The following NR2C1 variants were observed in gnomAD, a reference collection of about 807,000 sequenced individuals.
NR2C1 encodes nuclear receptor subfamily 2 group C member 1, also known as TR2 nuclear hormone receptor.
NR2C1 carries 33 observed loss-of-function variants against 74.8 expected under a neutral mutation model. That is an observed-to-expected ratio of 0.44 (90% confidence interval 0.33 to 0.59). The LOEUF is 0.59. Among genes scored for constraint, NR2C1 ranks in the 20% least tolerant of loss-of-function variants. The probability of loss-of-function intolerance (pLI) is 0.02; values close to 1 mark genes in which losing one functional copy is unlikely to be tolerated. For synonymous variants in NR2C1, 225 were observed against 240.6 expected (o/e 0.94, Z 0.60); for missense variants, 568 against 715.6 (o/e 0.79, Z 2.35).
intron 1 of NR2C1, among the ~76,000 whole-genome samples, chr12:95,070,202 G>A (rs1018402611): frequency 2.6e-5 from 4 of 152,088 alleles, no homozygotes; most frequent in African/African-American, 9.7e-5. Flanking sequence ...TGCAATCTCG[G>A]CTCACTACAA....
chr12:95,057,459 T>G, intron 7 of NR2C1, 94 bp downstream of exon 7: 1 of 907,278 alleles, frequency 1.1e-6, no homozygotes, highest in Non-Finnish European at 1.6e-6. Flanking sequence ...ATGGAATATT[T>G]AAGAACAAAG....
intron 7 of NR2C1, among the ~76,000 whole-genome samples, chr12:95,054,438 C>T (rs943886185): frequency 1.3e-5 from 2 of 152,022 alleles, no homozygotes; most frequent in African/African-American, 4.8e-5. Context: ...TCCCAAACAG[C>T]TGGGACTACA....
rs1171263282 is a variant in NR2C1 at position 95,070,764 on chromosome 12, A to G, written c.-8+2616T>C. Among the ~76,000 whole-genome samples the G allele has an allele frequency of 5.9e-5, 9 of 152,140 alleles. No individual in the cohort carries two copies. In the East Asian group the frequency reaches 1.7e-3, roughly 29 times the overall value. ...TGGCACTGTGAACACCACAATGGAG[A>G]GTTCTTTTATAATCCGACTTCCCCC... On this transcript the variant is annotated intron_variant, in intron 1 of 13. Coordinates refer to ENST00000333003, the MANE Select transcript of NR2C1 (RefSeq NM_003297.4).
intron 11 of NR2C1, chr12:95,030,705 A>G (rs974722036): frequency 5.6e-6 from 9 of 1,601,442 alleles, no homozygotes; most frequent in Admixed American, 1.7e-5. Context: ...CTAAAGAACT[A>G]AAAGGTAGTC....
rs1305989030 is a variant in NR2C1, at chr12:95,073,614, GCAAC to G, written c.-246_-243del. The G allele has an allele frequency of 1.3e-5, 2 of 152,326 alleles. No homozygotes were observed. The highest frequency in any genetic ancestry group is 4.8e-5 in the African/African-American group (2 of 41,482). The allele number at this position is 152,326 out of a possible 1,614,324, so 9.4% of individuals were successfully genotyped here. A position where few individuals can be genotyped will look rare whatever the true frequency, so the allele number is the denominator to read the frequency against. On this transcript the variant is annotated 5_prime_UTR_variant, in exon 1 of 14. Transcript: ENST00000333003. Reference sequence around the variant, plus strand: ...CTATCCCGCCAGCGCCTGCGCATTAGCAACGGGGAGAAGCGGCGAGAGGAGGTCG... The same window carrying G: ...CTATCCCGCCAGCGCCTGCGCATTAGGGGGAGAAGCGGCGAGAGGAGGTCG...
intron 8 of NR2C1, among the ~76,000 whole-genome samples, chr12:95,051,230 C>T (rs1872957881): frequency 6.6e-6 from 1 of 152,160 alleles, no homozygotes; most frequent in African/African-American, 2.4e-5. Flanking sequence ...AAATTTCACA[C>T]CTGACCTCTC....
At chr12:95,067,017 AC>A in intron 2 of NR2C1, 1 of 357,012 alleles carries the variant, frequency 2.8e-6, no homozygotes, top group Non-Finnish European at 5.0e-6. Context: ...CTCAGATTGT[AC>A]CCTCTAAAAA....
At chr12:95,071,590 A>G (rs1300582680) in intron 1 of NR2C1, among the ~76,000 whole-genome samples, 1 of 152,052 alleles carries the variant, frequency 6.6e-6, no homozygotes, top group Non-Finnish European at 1.5e-5. Context: ...CCAGCTACTC[A>G]ACAGGCTGAG....
At chr12:95,060,808 C>T (rs1448244047) in intron 3 of NR2C1, among the ~76,000 whole-genome samples, 3 of 152,178 alleles carry the variant, frequency 2.0e-5, no homozygotes, top group South Asian at 2.1e-4. Context: ...TCCAGGAATA[C>T]TTCTGATTTT....
intron 1 of NR2C1, among the ~76,000 whole-genome samples, chr12:95,072,184 C>T (rs1163030141): frequency 6.6e-6 from 1 of 151,202 alleles, no homozygotes; most frequent in African/African-American, 2.4e-5. Context: ...GAGGCCGAGG[C>T]GGGTGGATCA....
intron 5 of NR2C1, chr12:95,058,081 A>G (rs935705453): frequency 2.4e-5 from 16 of 659,380 alleles, no homozygotes; most frequent in Non-Finnish European, 4.0e-5. Context: ...TGCATCTCTC[A>G]TTCTTTTTGC....
At chr12:95,061,747 TC>T (rs141992781) in intron 3 of NR2C1, among the ~76,000 whole-genome samples, 1,984 of 152,314 alleles carry the variant, frequency 0.013, 41 homozygotes, top group African/African-American at 0.045. Flanking sequence ...TCAAAAAGTT[TC>T]TGAAGGCAAA....
In NR2C1 at chr12:95,043,689, C is replaced by CCAAAAAAAAAAAAAAAA. The variant is rs575940640; in HGVS notation, c.1132-3093_1132-3092insTTTTTTTTTTTTTTTTG. Among the ~76,000 whole-genome samples, 51 of 94,276 alleles carry CCAAAAAAAAAAAAAAAA rather than the reference C, an allele frequency of 5.4e-4. 1 individual carries two copies. The highest frequency in any genetic ancestry group is 2.0e-3 in the African/African-American group (50 of 25,004). 61.8% of individuals were successfully genotyped at this position (94,276 alleles called of 152,430 possible). On this transcript the variant is annotated intron_variant, in intron 9 of 13. Coordinates refer to ENST00000333003, the MANE Select transcript of NR2C1 (RefSeq NM_003297.4). Reference sequence around the variant, plus strand: ...TGGGAGACAGAGCAAGACTCTGTCTCAAAAAAAAAAAAAATCCTTTGCAAA... The same window carrying CCAAAAAAAAAAAAAAAA: ...TGGGAGACAGAGCAAGACTCTGTCTCCAAAAAAAAAAAAAAAAAAAAAAAAAAAAAATCCTTTGCAAA...
At chr12:95,060,671 A>G (rs1874664442) in intron 3 of NR2C1, among the ~76,000 whole-genome samples, 1 of 152,202 alleles carries the variant, frequency 6.6e-6, no homozygotes, top group South Asian at 2.1e-4. Context: ...AAAACAAAAC[A>G]AAACAAAAAA....
intron 3 of NR2C1, among the ~76,000 whole-genome samples, chr12:95,062,135 G>T (rs940194978): frequency 1.3e-5 from 2 of 152,188 alleles, no homozygotes; most frequent in Admixed American, 6.5e-5. Flanking sequence ...TTATGAAGTA[G>T]GAGGTCTCTT....
At chr12:95,042,932 C>CAAAAA (rs869036674) in intron 9 of NR2C1, among the ~76,000 whole-genome samples, 25 of 65,686 alleles carry the variant, frequency 3.8e-4, no homozygotes, top group African/African-American at 1.3e-3. Context: ...CCCATTTCTA[C>CAAAAA]AAAAAAAAAA....
chr12:95,065,419 T>C (rs1184720204), intron 2 of NR2C1, among the ~76,000 whole-genome samples: 3 of 152,156 alleles, frequency 2.0e-5, no homozygotes, highest in African/African-American at 4.8e-5. Flanking sequence ...ATTTTAAAAA[T>C]AGTTGATTCA....
intron 7 of NR2C1, among the ~76,000 whole-genome samples, chr12:95,052,577 T>A (rs1171783820): frequency 6.6e-6 from 1 of 152,166 alleles, no homozygotes; most frequent in Non-Finnish European, 1.5e-5. Flanking sequence ...TACCTCAGCC[T>A]CCTGAGCAGC....
intron 9 of NR2C1, among the ~76,000 whole-genome samples, chr12:95,041,728 GAGA>G (rs1871552719): frequency 6.6e-6 from 1 of 151,952 alleles, no homozygotes; most frequent in Non-Finnish European, 1.5e-5. Context: ...GGGTAGTCTG[GAGA>G]AGAATTAGTC....
Sources: allele counts gnomAD v4.1 joint callset (sites outside exome capture counted in the v4.1 genomes callset), GRCh38; gene constraint gnomAD v4.1.1; transcripts MANE v1.5; gene names NCBI Gene and HGNC (gene_info 2026-07-23, HGNC 2026-07-21).